GHRHR: variants seen among roughly 807,000 people sequenced by gnomAD.
GHRHR encodes the protein growth hormone releasing hormone receptor, also known as growth hormone-releasing hormone receptor.
Under a neutral mutation model 58.3 loss-of-function variants are expected in GHRHR, and 40 were observed. That is an observed-to-expected ratio of 0.69 (90% CI 0.53 to 0.89). The LOEUF (loss-of-function observed/expected upper bound fraction) is 0.89, where lower values mean the gene tolerates loss of function less well. Among genes scored for constraint, GHRHR ranks in the 40% least tolerant of loss-of-function variants. The probability of loss-of-function intolerance (pLI) is 0.00; values close to 1 mark genes in which losing one functional copy is unlikely to be tolerated. For synonymous variants in GHRHR, 249 were observed against 216.6 expected, an observed-to-expected ratio of 1.15 and a Z score of -1.31; for missense variants, 551 against 541.3, an observed-to-expected ratio of 1.02 and a Z score of -0.18.
intron 1 of GHRHR, among the ~76,000 whole-genome samples, chr7:30,967,678 C>T (rs895595150): frequency 6.6e-6 from 1 of 151,424 alleles, no homozygotes; most frequent in Non-Finnish European, 1.5e-5. Flanking sequence ...GCCTTCCTTC[C>T]TTCTTTTCTG....
At chr7:30,975,149 T>C (rs1221795433) in intron 9 of GHRHR, 109 bp downstream of exon 9, 15 of 811,270 alleles carry the variant, frequency 1.8e-5, no homozygotes, top group African/African-American at 3.4e-5. Context: ...TCTTGAAAAC[T>C]GGGCTCCAGC....
At chr7:30,974,338 A>G in intron 7 of GHRHR, 91 bp from the exon 8 acceptor site, 7 of 1,129,970 alleles carry the variant, frequency 6.2e-6, no homozygotes, top group Non-Finnish European at 8.1e-6. Context: ...GCAGTGCCCT[A>G]CGTGGCTGAT....
intron 9 of GHRHR, among the ~76,000 whole-genome samples, chr7:30,975,445 T>A (rs1017224325): frequency 6.6e-6 from 1 of 152,182 alleles, no homozygotes; most frequent in African/African-American, 2.4e-5. Flanking sequence ...TGTACAAATG[T>A]TTTGCAACTT....
At chr7:30,974,932 G>A in intron 8 of GHRHR, 39 bp from the exon 9 acceptor site, 6 of 1,379,054 alleles carry the variant, frequency 4.4e-6, no homozygotes, top group African/African-American at 1.4e-5. Context: ...CACAGTGAAG[G>A]GGACTTTCCA....
intron 1 of GHRHR, among the ~76,000 whole-genome samples, chr7:30,966,064 G>A (rs550639143): frequency 1.8e-4 from 27 of 152,292 alleles, no homozygotes; most frequent in Non-Finnish European, 3.2e-4. Context: ...GCAGAGCTGC[G>A]TCCAAGCCAT....
At chr7:30,965,205 C>G (rs1792323385) in intron 1 of GHRHR, among the ~76,000 whole-genome samples, 1 of 152,180 alleles carries the variant, frequency 6.6e-6, no homozygotes, top group Admixed American at 6.5e-5. Flanking sequence ...TGTGTGCACT[C>G]TACAGCAAAA....
chr7:30,969,727 C>T (rs1278859121), intron 3 of GHRHR, 140 bp from the exon 4 acceptor site: 8 of 834,928 alleles, frequency 9.6e-6, no homozygotes, highest in Non-Finnish European at 1.7e-5. Context: ...GGCCCCAGGC[C>T]TCTGGAGCCA....
intron 5 of GHRHR, 72 bp from the exon 6 acceptor site, chr7:30,971,891 G>A: frequency 7.1e-7 from 1 of 1,405,944 alleles, no homozygotes; most frequent in Non-Finnish European, 1.0e-6. Flanking sequence ...GCCCTGTTCA[G>A]CCCAGTTGCA....
Position 30,977,340 on chromosome 7 carries a change from C to G in GHRHR, c.1146+18C>G. ...ACCAAGAGGTGTGTGATTTTTGAGG[C>G]TATCCCTCATGGAGTCCCCCTCCCA... is the stretch of plus-strand genomic sequence containing the variant. On this transcript the variant is annotated intron_variant, in intron 12 of 12. Transcript: ENST00000326139. 1 of 1,611,414 alleles carries G rather than the reference C, an allele frequency of 6.2e-7. No homozygotes were observed. Among genetic ancestry groups the G allele is most frequent in the South Asian group, 1.1e-5 (1 of 91,022 alleles).
At chr7:30,972,420 G>T (rs892416087) in intron 6 of GHRHR, among the ~76,000 whole-genome samples, 1 of 151,982 alleles carries the variant, frequency 6.6e-6, no homozygotes, top group Non-Finnish European at 1.5e-5. Flanking sequence ...TCTGTGCTGG[G>T]GGTGTGTACG....
chr7:30,969,487 A>G (rs1792436265), intron 3 of GHRHR: 1 of 594,254 alleles, frequency 1.7e-6, no homozygotes, highest in African/African-American at 1.9e-5. Context: ...CCAAGACACC[A>G]CCAACTGCCC....
At chr7:30,975,067 C>T in intron 9 of GHRHR, 27 bp downstream of exon 9, 4 of 1,497,026 alleles carry the variant, frequency 2.7e-6, no homozygotes. Flanking sequence ...GTGCCCTTTG[C>T]TTTATTCAGT....
chr7:30,976,033 T>C, intron 10 of GHRHR, 165 bp downstream of exon 10: 1 of 649,180 alleles, frequency 1.5e-6, no homozygotes, highest in Admixed American at 2.3e-5. Context: ...GGGATCACAA[T>C]ATTGGAAGGA....
At chr7:30,974,196 G>C (rs1792532661) in intron 7 of GHRHR, 58 bp downstream of exon 7, 1 of 1,561,618 alleles carries the variant, frequency 6.4e-7, no homozygotes, top group Admixed American at 1.7e-5. Context: ...AAAGGCCCAG[G>C]GAGTTTACAT....
At chr7:30,971,369 G>T (rs963207126) in intron 5 of GHRHR, among the ~76,000 whole-genome samples, 153 bp downstream of exon 5, 19 of 151,992 alleles carry the variant, frequency 1.3e-4, no homozygotes, top group African/African-American at 4.1e-4. Flanking sequence ...CCACCATGTA[G>T]ACCCATCTCT....
rs756177266 is a variant in GHRHR, at chr7:30,976,471, A to G, written c.1017A>G (p.Gly339=). The G allele has an allele frequency of 6.2e-7, 1 of 1,613,226 alleles. No homozygotes were observed. Among genetic ancestry groups the G allele is most frequent in the Non-Finnish European group, 8.5e-7 (1 of 1,179,244 alleles). The change falls in exon 11 of 13, where the codon GGA becomes GGG. Residue 339 remains glycine (G), a synonymous_variant. Coordinates refer to ENST00000326139, the MANE Select transcript of GHRHR (RefSeq NM_000823.4). Reference sequence around the variant, plus strand: ...CACTTTTCCTGATCCCACTCTTTGGAATTCACTACATCATCTTCAACTTCC... The same window carrying G: ...CACTTTTCCTGATCCCACTCTTTGGGATTCACTACATCATCTTCAACTTCC... ...KSTLFLIPLF[G]IHYIIFNFLP... is the part of the protein sequence containing the mutation.
At position 30,969,030 on chromosome 7, in the gene GHRHR, C is replaced by T. The variant is rs1295775189; in HGVS notation, c.161-33C>T. The T allele has an allele frequency of 1.9e-6, 3 of 1,553,404 alleles. No individual in the cohort carries two copies. The East Asian group carries it at 6.9e-5, about 36-fold the overall frequency. Reference sequence around the variant, plus strand: ...TTATTGGGACAGCCCTGCACCTGGGCTGAGTCTCTGCTGCTCCTGGCTCTC... The same window carrying T: ...TTATTGGGACAGCCCTGCACCTGGGTTGAGTCTCTGCTGCTCCTGGCTCTC... On this transcript the variant is annotated intron_variant, in intron 2 of 12. Coordinates refer to ENST00000326139, the MANE Select transcript of GHRHR (RefSeq NM_000823.4).
rs1258193870 is a variant in GHRHR, at chr7:30,970,895, CCT to C, written c.367-222_367-221del. On this transcript the variant is annotated intron_variant, in intron 4 of 12. Coordinates refer to ENST00000326139, the MANE Select transcript of GHRHR (RefSeq NM_000823.4). Reference sequence around the variant, plus strand: ...ATCATGAATGTTAAGCATCTCCACTCCTCGCCACTACCCCTCCCTCACCCGCA... The same window carrying C: ...ATCATGAATGTTAAGCATCTCCACTCCGCCACTACCCCTCCCTCACCCGCA... 1.4e-4 allele frequency: 87 copies of C among 609,658 alleles called. 1 individual carries two copies. Among genetic ancestry groups the C allele is most frequent in the Non-Finnish European group, 3.5e-5 (12 of 338,192 alleles). 37.8% of individuals were successfully genotyped at this position (609,658 alleles called of 1,614,324 possible).
At chr7:30,979,084 G>A (rs767476218) in intron 12 of GHRHR, 35 bp from the exon 13 acceptor site, 18 of 1,608,776 alleles carry the variant, frequency 1.1e-5, no homozygotes, top group African/African-American at 2.7e-5. Context: ...AGCCACAGGG[G>A]GACCTTCCTA....
Sources: gnomAD v4.1 joint callset for allele counts (sites outside exome capture counted in the v4.1 genomes callset) on GRCh38, gnomAD v4.1.1 for gene constraint, MANE v1.5 for transcripts, NCBI Gene and HGNC (gene_info 2026-07-23, HGNC 2026-07-21) for gene names.